The following WDFY3 variants were observed in gnomAD, a reference collection of about 807,000 sequenced individuals.
WDFY3 encodes the protein WD repeat and FYVE domain containing 3, also known as WD repeat and FYVE domain-containing protein 3.
WDFY3 carries 66 observed loss-of-function variants against 409.6 expected under a neutral mutation model. The observed-to-expected ratio is 0.16, with a 90% CI of 0.13 to 0.20. WDFY3 has a LOEUF of 0.20. Among genes scored for constraint, WDFY3 ranks in the 10% least tolerant of loss-of-function variants. The pLI is 1.00. For missense variants in WDFY3, 3,031 were observed against 4,298.1 expected (o/e 0.71, Z 8.24); for synonymous variants, 1,521 against 1,537.1 (o/e 0.99, Z 0.25).
At chr4:84,862,686 CA>C (rs574666734) in intron 3 of WDFY3, among the ~76,000 whole-genome samples, 585 of 151,968 alleles carry the variant, frequency 3.8e-3, no homozygotes, top group Middle Eastern at 6.8e-3. Flanking sequence ...TCCAACACTT[CA>C]AAAAAAATTT....
intron 3 of WDFY3, among the ~76,000 whole-genome samples, chr4:84,877,062 G>T (rs1762886136): frequency 6.6e-6 from 1 of 152,170 alleles, no homozygotes; most frequent in African/African-American, 2.4e-5. Context: ...GTACATAGCA[G>T]AACTGAAGGA....
intron 2 of WDFY3, among the ~76,000 whole-genome samples, chr4:84,905,418 C>T (rs1041679489): frequency 7.9e-5 from 12 of 152,094 alleles, no homozygotes; most frequent in African/African-American, 2.9e-4. Flanking sequence ...GTCATCCAAC[C>T]AACTGCTCAA....
At chr4:84,813,028 T>C (rs1752750632) in intron 13 of WDFY3, among the ~76,000 whole-genome samples, 1 of 152,172 alleles carries the variant, frequency 6.6e-6, no homozygotes, top group African/African-American at 2.4e-5. Context: ...ATCAGGAGAA[T>C]TTCCATGACA....
Position 84,892,637 on chromosome 4 carries a change from T to C in WDFY3, c.-32+4274A>G, listed in dbSNP as rs76626910. Among the ~76,000 whole-genome samples the C allele has an allele frequency of 6.1e-3, 925 of 152,302 alleles. 12 individuals are homozygous for C. Among genetic ancestry groups the C allele is most frequent in the African/African-American group, 0.021 (872 of 41,572 alleles). The stretch of plus-strand genomic sequence containing the variant: ...GGGCACAGGAACTCTGTGTTGCCTA[T>C]TGTTTGCTGAATAATTTATTCAACA... On this transcript the variant is annotated intron_variant, in intron 3 of 67. Transcript: ENST00000295888.
chr4:84,937,607 C>A lies in WDFY3; in HGVS notation c.-225-5244G>T, dbSNP rs1771590652. On this transcript the variant is annotated intron_variant, in intron 1 of 67. Transcript: ENST00000295888. ...TTCAAGTCCTTTCTCATCGAAGTAG[C>A]CAGAGTGATCCAGACAACCTAACAT... Among the ~76,000 whole-genome samples, 3 of 152,226 alleles carry A rather than the reference C, an allele frequency of 2.0e-5. No individual in the cohort carries two copies. The South Asian group carries it at 6.2e-4, about 32-fold the overall frequency.
chr4:84,959,394 TG>T (rs1446063872), intron 1 of WDFY3, among the ~76,000 whole-genome samples: 1 of 151,576 alleles, frequency 6.6e-6, no homozygotes, highest in Non-Finnish European at 1.5e-5. Flanking sequence ...GGGTAATCTA[TG>T]AGAAGACGTG....
Position 84,821,261 on chromosome 4 carries a change from A to T in WDFY3, c.1414T>A (p.Ser472Thr). Residue 472 changes from serine to threonine, a missense_variant, in exon 11 of 68, where the codon TCT becomes ACT. Coordinates refer to ENST00000295888, the MANE Select transcript of WDFY3 (RefSeq NM_014991.6). Reference protein sequence around the residue: ...ELISVSILLKSSSSYHCSIIA... With the variant: ...ELISVSILLKTSSSYHCSIIA... ...ATGCTACAGTGATAAGAAGAGCTAG[A>T]TTTTAAGAGGATACTGACACTAATA... The T allele has an allele frequency of 6.2e-7, 1 of 1,613,794 alleles. No individual in the cohort carries two copies. Among genetic ancestry groups the T allele is most frequent in the Non-Finnish European group, 8.5e-7 (1 of 1,179,838 alleles).
chr4:84,794,761 A>T lies in WDFY3; in HGVS notation c.3269-24T>A, dbSNP rs756756650. The stretch of plus-strand genomic sequence containing the variant: ...ACCTACAGTAAAAATTAAAAAAAAA[A>T]GTCTGTGTTGATTAATATTTATATT... On this transcript the variant is annotated intron_variant, in intron 20 of 67. Transcript: ENST00000295888. 14 of 1,574,150 alleles carry T rather than the reference A, an allele frequency of 8.9e-6. No homozygotes were observed. The East Asian group carries it at 3.3e-4, about 37-fold the overall frequency.
At chr4:84,877,669 T>C (rs576558030) in intron 3 of WDFY3, among the ~76,000 whole-genome samples, 1 of 152,216 alleles carries the variant, frequency 6.6e-6, no homozygotes, top group Non-Finnish European at 1.5e-5. Flanking sequence ...CCTGTGTACA[T>C]CTTTATCATT....
At chr4:84,711,923 A>G (rs1279154070) in intron 51 of WDFY3, among the ~76,000 whole-genome samples, 4 of 152,112 alleles carry the variant, frequency 2.6e-5, no homozygotes, top group African/African-American at 9.7e-5. Flanking sequence ...CTAATAGTAC[A>G]ATATAAACTT....
chr4:84,778,026 A>T (rs905171868), intron 27 of WDFY3, among the ~76,000 whole-genome samples: 21 of 152,244 alleles, frequency 1.4e-4, no homozygotes, highest in African/African-American at 5.1e-4. Flanking sequence ...GGGGAAAAAG[A>T]AGTGATAGTT....
intron 4 of WDFY3, among the ~76,000 whole-genome samples, chr4:84,851,178 A>G (rs1482902851): frequency 3.3e-5 from 5 of 151,692 alleles, no homozygotes; most frequent in African/African-American, 1.2e-4. Flanking sequence ...TAAGAAAAGA[A>G]ATGGTATTTT....
chr4:84,841,774 G>A (rs938706833), intron 5 of WDFY3, among the ~76,000 whole-genome samples: 1 of 152,148 alleles, frequency 6.6e-6, no homozygotes, highest in African/African-American at 2.4e-5. Flanking sequence ...TACGAAGGAG[G>A]GTAAGCTACT....
rs544272834 is a variant in WDFY3 at position 84,688,959 on chromosome 4, T to G, written c.9364-694A>C. On this transcript the variant is annotated intron_variant, in intron 61 of 67. Transcript: ENST00000295888. ...GGCAATGTGTGAAAATAAGTAAATA[T>G]TCTGAAGAAAAAGATTTAGATTACT... 6.6e-5 allele frequency among the ~76,000 whole-genome samples: 10 copies of G among 152,334 alleles called. No individual in the cohort carries two copies. In the South Asian group the frequency reaches 1.7e-3, roughly 25 times the overall value.
At chr4:84,742,481 T>C (rs774266576) in intron 37 of WDFY3, among the ~76,000 whole-genome samples, 4 of 152,248 alleles carry the variant, frequency 2.6e-5, no homozygotes, top group East Asian at 3.9e-4. Context: ...GTTTGCCATA[T>C]ACATATTGCT....
intron 57 of WDFY3, among the ~76,000 whole-genome samples, chr4:84,696,387 TGA>T (rs945065584): frequency 5.9e-5 from 9 of 152,226 alleles, no homozygotes; most frequent in African/African-American, 2.2e-4. Context: ...ATTATATTTA[TGA>T]GAGTGAGAGA....
chr4:84,739,040 C>T lies in WDFY3; in HGVS notation c.6544G>A (p.Asp2182Asn). Residue 2182 changes from aspartate (D) to asparagine (N), a missense_variant, in exon 40 of 68, where the codon GAT becomes AAT. Physicochemically the swap from Asp to Asn is conservative, Grantham distance 23. This residue lies in a region of WDFY3 where 314 missense variants were observed against 397.4 expected (regional missense o/e 0.79). Coordinates refer to ENST00000295888, the MANE Select transcript of WDFY3 (RefSeq NM_014991.6). ...CTAATATCTTGGCTGTAACTACCATCTGGTTCAATGTCCGAGGGGATCATA... is the reference window on the plus strand; with the variant it reads ...CTAATATCTTGGCTGTAACTACCATTTGGTTCAATGTCCGAGGGGATCATA... ...HIMIPSDIEP[D>N]GSYSQDISEG... 6.2e-7 allele frequency: 1 copy of T among 1,614,132 alleles called. No individual in the cohort carries two copies. Among genetic ancestry groups the T allele is most frequent in the Non-Finnish European group, 8.5e-7 (1 of 1,179,972 alleles).
At chr4:84,785,044 C>G (rs537681752) in intron 24 of WDFY3, among the ~76,000 whole-genome samples, 14 of 151,820 alleles carry the variant, frequency 9.2e-5, no homozygotes, top group African/African-American at 3.4e-4. Flanking sequence ...CTGCTACTAC[C>G]TTTGTTTCTC....
At chr4:84,820,040 C>A in intron 12 of WDFY3, 45 bp downstream of exon 12, 1 of 1,480,990 alleles carries the variant, frequency 6.8e-7, no homozygotes, top group Non-Finnish European at 9.2e-7. Context: ...AAGATGTAAT[C>A]AGTGGTAATC....
Sources: gnomAD v4.1 joint callset for allele counts (sites outside exome capture counted in the v4.1 genomes callset) on GRCh38, gnomAD v4.1.1 for gene constraint, gnomAD v4.1.1 regional missense constraint, MANE v1.5 for transcripts, NCBI Gene and HGNC (gene_info 2026-07-23, HGNC 2026-07-21) for gene names.